The following MAPK11 variants were observed in gnomAD, a reference collection of about 807,000 sequenced individuals.
MAPK11 encodes the protein mitogen-activated protein kinase 11, also known as MAP kinase 11.
A neutral mutation model predicts 52.2 loss-of-function variants in MAPK11; 44 were observed. That is an observed-to-expected ratio of 0.84 (90% CI 0.66 to 1.08). The LOEUF is 1.08. Ranked by LOEUF, MAPK11 falls within the 50% of genes least tolerant of loss-of-function variation. The pLI is 0.00. For missense variants in MAPK11, 436 were observed against 494.7 expected, an observed-to-expected ratio of 0.88 and a Z score of 1.13; for synonymous variants, 233 against 206.3, an observed-to-expected ratio of 1.13 and a Z score of -1.11.
chr22:50,268,583 C>T (rs35018662), intron 1 of MAPK11, among the ~76,000 whole-genome samples: 7,097 of 152,304 alleles, frequency 0.047, 267 homozygotes, highest in Admixed American at 0.12. Context: ...GACCCTCTAC[C>T]CTGCACCAGC....
At chr22:50,266,513 C>T (rs987945432) in intron 8 of MAPK11, 27 bp downstream of exon 8, 16 of 1,514,292 alleles carry the variant, frequency 1.1e-5, no homozygotes, top group Non-Finnish European at 1.4e-5. Context: ...CTGTTTGACC[C>T]TGCTCCCCAA....
intron 11 of MAPK11, 59 bp from the exon 12 acceptor site, chr22:50,265,086 T>C (rs1413944180): frequency 4.1e-6 from 6 of 1,467,002 alleles, no homozygotes; most frequent in Non-Finnish European, 5.7e-6. Context: ...CCTCACCTGC[T>C]TGTCTGGCAC....
In MAPK11 at chr22:50,264,972, A is replaced by G; in HGVS notation, c.1071T>C (p.Pro357=). ...SFKPPEPPKP[P]GSLEIEQ ...CTCACTGCTCAATCTCCAGGCTGCC[A>G]GGTGGCTTCGGTGGCTCTGGGGGCT... The change falls in exon 12 of 12, where the codon CCT becomes CCC. Residue 357 remains proline, a synonymous_variant. Coordinates refer to ENST00000330651, the MANE Select transcript of MAPK11 (RefSeq NM_002751.7). 6.2e-7 allele frequency: 1 copy of G among 1,612,870 alleles called. No homozygotes were observed. The highest frequency in any genetic ancestry group is 8.5e-7 in the Non-Finnish European group (1 of 1,179,678).
At chr22:50,265,712 G>T (rs559285700) in intron 9 of MAPK11, 52 bp from the exon 10 acceptor site, 3 of 1,193,876 alleles carry the variant, frequency 2.5e-6, no homozygotes, top group Admixed American at 2.3e-5. Flanking sequence ...TGCCTCCCTG[G>T]CCCCAAACTG....
In MAPK11 at chr22:50,264,918, A is replaced by T; in HGVS notation, c.*30T>A. 6.3e-7 allele frequency: 1 copy of T among 1,588,440 alleles called. No individual in the cohort carries two copies. The highest frequency in any genetic ancestry group is 1.1e-5 in the South Asian group (1 of 88,096). The stretch of plus-strand genomic sequence containing the variant: ...GAAGGGTGCAGGCCCAAGCCCCTCC[A>T]CAGGCTCTCAGGGGCTGCTGGGCAG... On this transcript the variant is annotated 3_prime_UTR_variant, in exon 12 of 12. Coordinates refer to ENST00000330651, the MANE Select transcript of MAPK11 (RefSeq NM_002751.7).
chr22:50,268,052 G>A, intron 1 of MAPK11, 103 bp from the exon 2 acceptor site: 1 of 1,294,564 alleles, frequency 7.7e-7, no homozygotes, highest in South Asian at 1.7e-5. Flanking sequence ...GTGGGGATGG[G>A]GCCGTGGGGC....
chr22:50,266,049 G>A (rs1008863527), intron 9 of MAPK11, among the ~76,000 whole-genome samples, 177 bp downstream of exon 9: 3 of 151,992 alleles, frequency 2.0e-5, no homozygotes, highest in Non-Finnish European at 2.9e-5. Flanking sequence ...CTGGTGTCAG[G>A]AATGTCTTCC....
chr22:50,270,365 G>T lies in MAPK11; in HGVS notation c.-73C>A. The T allele has an allele frequency of 2.2e-6, 1 of 456,886 alleles. No individual in the cohort carries two copies. Among genetic ancestry groups the T allele is most frequent in the Non-Finnish European group, 2.9e-6 (1 of 345,272 alleles). 28.3% of individuals were successfully genotyped at this position (456,886 alleles called of 1,614,324 possible). On this transcript the variant is annotated 5_prime_UTR_variant, in exon 1 of 12. Coordinates refer to ENST00000330651, the MANE Select transcript of MAPK11 (RefSeq NM_002751.7). The surrounding 1 kb of genome is among the most constrained non-coding windows in gnomAD (Gnocchi z 6.3). ...CCCGCGCCCGAGCCGAGCCCGAGCC[G>T]AGCGGAGCGGAGGGCGGCGGAGGCG... is the stretch of plus-strand genomic sequence containing the variant.
Position 50,270,045 on chromosome 22 carries a change from T to A in MAPK11, c.116+132A>T. The A allele has an allele frequency of 3.4e-6, 1 of 290,154 alleles. No homozygotes were observed. The highest frequency in any genetic ancestry group is 6.3e-6 in the Non-Finnish European group (1 of 159,562). 18.0% of individuals were successfully genotyped at this position (290,154 alleles called of 1,614,324 possible). On this transcript the variant is annotated intron_variant, in intron 1 of 11. Coordinates refer to ENST00000330651, the MANE Select transcript of MAPK11 (RefSeq NM_002751.7). This position sits in a 1 kb window ranked among gnomAD's most constrained non-coding sequence, Gnocchi z 6.3. ...CCCGCCCCCCCATTCATTCCTCAGATCCGCTTGGCGCCCGGGGGCGGAGGC... is the reference window on the plus strand; with the variant it reads ...CCCGCCCCCCCATTCATTCCTCAGAACCGCTTGGCGCCCGGGGGCGGAGGC...
In MAPK11 at chr22:50,267,276, G is replaced by T. The variant is rs748111329; in HGVS notation, c.428C>A (p.Ser143Ter). ...ACCTACCCGGTGGATGATCCCGGCC[G>T]AGTGGATGTACTGCGGGAGGGGGAT... is the stretch of plus-strand genomic sequence containing the variant. Reference protein sequence around the residue: ...QLLRGLKYIHSAGIIHRDLKP... With the variant: ...QLLRGLKYIH The change falls in exon 5 of 12, where the codon TCG becomes TAG. Residue 143 changes from serine to a stop codon, truncating the protein, a stop_gained. Transcript: ENST00000330651. LOFTEE classifies it high-confidence loss of function. 6.2e-7 allele frequency: 1 copy of T among 1,603,318 alleles called. No homozygotes were observed. Among genetic ancestry groups the T allele is most frequent in the Non-Finnish European group, 8.5e-7 (1 of 1,176,834 alleles).
At chr22:50,267,517 A>G in intron 3 of MAPK11, 35 bp from the exon 4 acceptor site, 1 of 1,562,506 alleles carries the variant, frequency 6.4e-7, no homozygotes. Flanking sequence ...ACAGGGCCCC[A>G]CCGCCCCACC....
At chr22:50,266,379 G>A (rs1363104276) in intron 8 of MAPK11, 74 bp from the exon 9 acceptor site, 17 of 1,458,634 alleles carry the variant, frequency 1.2e-5, no homozygotes, top group Admixed American at 6.1e-5. Flanking sequence ...ACTTTGGGGC[G>A]CTGCCCAGAG....
chr22:50,267,626 A>AC lies in MAPK11; in HGVS notation c.247dup (p.Val83GlyfsTer81). 1 of 1,538,254 alleles carries AC rather than the reference A, an allele frequency of 6.5e-7. No homozygotes were observed. The highest frequency in any genetic ancestry group is 2.5e-5 in the East Asian group (1 of 40,608). On this transcript the variant is annotated frameshift_variant and splice_region_variant, in exon 3 of 12. Transcript: ENST00000330651. LOFTEE classifies it high-confidence loss of function. ...CGTGAAGACGTCCAGAAGCCCGATG[A>AC]CCTAGGTGGCGGGGGGCGTCAGGGC...
At position 50,267,963 on chromosome 22, in the gene MAPK11, G is replaced by T; in HGVS notation, c.117-14C>A. 1 of 1,539,414 alleles carries T rather than the reference G, an allele frequency of 6.5e-7. No homozygotes were observed. The highest frequency in any genetic ancestry group is 8.7e-7 in the Non-Finnish European group (1 of 1,145,300). On this transcript the variant is annotated splice_polypyrimidine_tract_variant and intron_variant, in intron 1 of 11. Coordinates refer to ENST00000330651, the MANE Select transcript of MAPK11 (RefSeq NM_002751.7). ...TCGTAGGCCGAACTGGAAGGCGGGC[G>T]AGTGAGGCGGCGCCGGGAGGGGTCC...
At chr22:50,266,843 C>A (rs769340130) in intron 7 of MAPK11, 91 bp downstream of exon 7, 19 of 1,295,050 alleles carry the variant, frequency 1.5e-5, no homozygotes, top group African/African-American at 1.5e-4. Context: ...TCTTGGGGAC[C>A]TTGCCTGCCC....
At position 50,267,220 on chromosome 22, in the gene MAPK11, C is replaced by T. The variant is rs1272692581; in HGVS notation, c.447+37G>A. 6.2e-6 allele frequency: 10 copies of T among 1,609,096 alleles called. No homozygotes were observed. In the South Asian group the frequency reaches 6.6e-5, roughly 11 times the overall value. On this transcript the variant is annotated intron_variant, in intron 5 of 11. Coordinates refer to ENST00000330651, the MANE Select transcript of MAPK11 (RefSeq NM_002751.7). ...GAGCACAGGAGGCTGGGACGGAGCC[C>T]TGCTGGACCCGACCCTCACCCTGCG... is the stretch of plus-strand genomic sequence containing the variant.
chr22:50,266,436 T>TG (rs2065262518), intron 8 of MAPK11, 104 bp downstream of exon 8: 2 of 1,379,678 alleles, frequency 1.4e-6, no homozygotes, highest in South Asian at 1.4e-5. Flanking sequence ...TAGCATAGCA[T>TG]GGGGGGCAGA....
In MAPK11 at chr22:50,264,637, A is replaced by C. The variant is rs774889499; in HGVS notation, c.*311T>G. On this transcript the variant is annotated 3_prime_UTR_variant, in exon 12 of 12. Coordinates refer to ENST00000330651, the MANE Select transcript of MAPK11 (RefSeq NM_002751.7). ...CCTGGGACAGACAGGGGAACTCCGC[A>C]GGGGAACCCCTTTGGCATCTAGGAC... 1 of 284,702 alleles carries C rather than the reference A, an allele frequency of 3.5e-6. No individual in the cohort carries two copies. Among genetic ancestry groups the C allele is most frequent in the Non-Finnish European group, 6.7e-6 (1 of 148,924 alleles). 17.6% of individuals were successfully genotyped at this position (284,702 alleles called of 1,614,324 possible). A position where few individuals can be genotyped will look rare whatever the true frequency, so the allele number is the denominator to read the frequency against.
At chr22:50,266,850 GC>G (rs1322789855) in intron 7 of MAPK11, 83 bp downstream of exon 7, 7 of 1,342,396 alleles carry the variant, frequency 5.2e-6, no homozygotes, top group Non-Finnish European at 7.3e-6. Context: ...GACCTTGCCT[GC>G]CCCCTAAGAC....
Sources: allele counts gnomAD v4.1 joint callset (sites outside exome capture counted in the v4.1 genomes callset), GRCh38; gene constraint gnomAD v4.1.1; non-coding constraint Gnocchi (gnomAD v3.1); transcripts MANE v1.5; gene names NCBI Gene and HGNC (gene_info 2026-07-23, HGNC 2026-07-21).